Variants in MTAP observed in about 807,000 individuals in gnomAD.
MTAP encodes S-methyl-5'-thioadenosine phosphorylase.
A neutral mutation model predicts 33.6 loss-of-function variants in MTAP; 33 were observed. That is an observed-to-expected ratio of 0.98 (90% CI 0.74 to 1.31). The LOEUF (loss-of-function observed/expected upper bound fraction) is 1.31, where lower values mean the gene tolerates loss of function less well. Ranked by LOEUF, MTAP falls within the 40% of genes most tolerant of loss-of-function variation. The pLI is 0.00. For missense variants in MTAP, 367 were observed against 360.0 expected (o/e 1.02, Z -0.16); for synonymous variants, 148 against 125.7 (o/e 1.18, Z -1.19).
intron 1 of MTAP, chr9:21,930,202 G>A (rs943215287): frequency 6.3e-6 from 2 of 319,514 alleles, no homozygotes; most frequent in African/African-American, 2.2e-5. Flanking sequence ...GCTAATCAGA[G>A]CCAAACCCCA....
intron 6 of MTAP, among the ~76,000 whole-genome samples, chr9:21,858,743 A>G (rs1296226044): frequency 6.6e-6 from 1 of 152,206 alleles, no homozygotes; most frequent in Non-Finnish European, 1.5e-5. Flanking sequence ...AGTGCTTTTC[A>G]GAGATGTCAC....
intron 1 of MTAP, among the ~76,000 whole-genome samples, chr9:21,916,171 A>G (rs992690081): frequency 6.6e-6 from 1 of 152,186 alleles, no homozygotes; most frequent in East Asian, 1.9e-4. Context: ...ACTTGGTTGA[A>G]TAGCTTCCCT....
chr9:21,848,014 T>C (rs909928824), intron 5 of MTAP, among the ~76,000 whole-genome samples: 3 of 152,140 alleles, frequency 2.0e-5, no homozygotes, highest in Non-Finnish European at 4.4e-5. Context: ...TGAACCTTAT[T>C]TACCAGAAGA....
intron 1 of MTAP, among the ~76,000 whole-genome samples, chr9:21,925,894 G>T (rs1194600002): frequency 6.6e-6 from 1 of 152,178 alleles, no homozygotes; most frequent in African/African-American, 2.4e-5. Context: ...TATCCTCCAA[G>T]GTGATGGGGT....
intron 1 of MTAP, chr9:21,930,903 G>A: frequency 1.6e-6 from 1 of 640,254 alleles, no homozygotes; most frequent in South Asian, 1.8e-5. Flanking sequence ...TCTTCCCTGG[G>A]TTCTTCCCTT....
chr9:21,872,300 A>G (rs1353499600), intron 1 of MTAP, among the ~76,000 whole-genome samples: 1 of 152,212 alleles, frequency 6.6e-6, no homozygotes, highest in African/African-American at 2.4e-5. Context: ...CCTGGGCAAT[A>G]GAGAAAAACT....
At chr9:21,826,642 ATTATTATTT>A (rs1338869450) in intron 4 of MTAP, among the ~76,000 whole-genome samples, 1 of 123,592 alleles carries the variant, frequency 8.1e-6, no homozygotes, top group African/African-American at 3.0e-5. Context: ...TATTATTATT[ATTATTATTT>A]AACTGCACAA....
downstream of MTAP, among the ~76,000 whole-genome samples, chr9:21,938,129 C>G (rs1013430073): frequency 2.0e-5 from 3 of 152,136 alleles, no homozygotes. Flanking sequence ...AAAAAATTAT[C>G]TGGGCATGGC....
chr9:21,881,841 A>G (rs891047440), intron 1 of MTAP, among the ~76,000 whole-genome samples: 12 of 152,034 alleles, frequency 7.9e-5, no homozygotes, highest in African/African-American at 2.9e-4. Context: ...TTAAAAATAG[A>G]AATACCATAT....
At chr9:21,808,753 T>G (rs10965143) in intron 1 of MTAP, 54,421 of 152,054 alleles carry the variant, frequency 0.36, 10,296 homozygotes, top group East Asian at 0.44. Flanking sequence ...CTTCTGAACC[T>G]GTAGAACCAT....
intron 2 of MTAP, among the ~76,000 whole-genome samples, chr9:21,816,369 C>A: frequency 6.6e-6 from 1 of 152,150 alleles, no homozygotes; most frequent in East Asian, 1.9e-4. Context: ...ATCCTTTCTG[C>A]CTTTCACCTT....
At chr9:21,834,875 T>C (rs1428377959) in intron 4 of MTAP, among the ~76,000 whole-genome samples, 1 of 152,232 alleles carries the variant, frequency 6.6e-6, no homozygotes, top group Admixed American at 6.5e-5. Flanking sequence ...GGAGATGTTA[T>C]TGCATCGCAG....
At position 21,922,931 on chromosome 9, in the gene MTAP, T is replaced by C. The variant is rs1385069405; in HGVS notation, c.148-8077T>C. 6.6e-6 allele frequency among the ~76,000 whole-genome samples: 1 copy of C among 152,202 alleles called. No individual in the cohort carries two copies. Among genetic ancestry groups the C allele is most frequent in the Non-Finnish European group, 1.5e-5 (1 of 68,034 alleles). On this transcript the variant is annotated intron_variant, in intron 1 of 1. Transcript: ENST00000577563. This position sits in a 1 kb window ranked among gnomAD's most constrained non-coding sequence, Gnocchi z 4.8. Reference sequence around the variant, plus strand: ...ACTGTGCAATGTCTGCAATTTCCTCTGCTTTTTCAAATACAATTGTCTTTT... The same window carrying C: ...ACTGTGCAATGTCTGCAATTTCCTCCGCTTTTTCAAATACAATTGTCTTTT...
At chr9:21,907,182 G>C (rs185245673) in intron 1 of MTAP, among the ~76,000 whole-genome samples, 21 of 152,290 alleles carry the variant, frequency 1.4e-4, no homozygotes, top group Middle Eastern at 3.4e-3. Flanking sequence ...GGTCAGTAGT[G>C]TTTAACTTAT....
intron 4 of MTAP, among the ~76,000 whole-genome samples, chr9:21,823,714 C>G (rs548742090): frequency 1.3e-5 from 2 of 152,338 alleles, no homozygotes; most frequent in East Asian, 1.9e-4. Context: ...TGTTTTCCAA[C>G]TTGGTTCCAT....
chr9:21,898,410 C>T (rs141291584), intron 1 of MTAP, among the ~76,000 whole-genome samples: 4,764 of 152,252 alleles, frequency 0.031, 127 homozygotes, highest in Non-Finnish European at 0.047. Context: ...AGAGCTTCTG[C>T]ATAGCAAAAG....
intron 1 of MTAP, among the ~76,000 whole-genome samples, chr9:21,806,252 A>C (rs1187994605): frequency 6.6e-6 from 1 of 152,106 alleles, no homozygotes; most frequent in Non-Finnish European, 1.5e-5. Flanking sequence ...GGTGAGGAAT[A>C]ATCAGATTGG....
chr9:21,886,706 T>A (rs1818116691), intron 1 of MTAP, among the ~76,000 whole-genome samples: 1 of 152,194 alleles, frequency 6.6e-6, no homozygotes, highest in African/African-American at 2.4e-5. Flanking sequence ...CTTTCCCCAC[T>A]TTATGTTTCT....
intron 1 of MTAP, among the ~76,000 whole-genome samples, chr9:21,890,917 A>T (rs893583473): frequency 6.6e-6 from 1 of 152,138 alleles, no homozygotes; most frequent in Non-Finnish European, 1.5e-5. Context: ...AAGCCTCCAC[A>T]TACTGTTCTG....
Sources: allele counts gnomAD v4.1 joint callset (sites outside exome capture counted in the v4.1 genomes callset), GRCh38; gene constraint gnomAD v4.1.1; non-coding constraint Gnocchi (gnomAD v3.1); transcripts MANE v1.5; gene names NCBI Gene and HGNC (gene_info 2026-07-23, HGNC 2026-07-21).